SPATA13: variants seen among roughly 807,000 people sequenced by gnomAD.
The protein encoded by SPATA13 is spermatogenesis associated 13, also known as spermatogenesis-associated protein 13.
In SPATA13, 50 loss-of-function variants were observed where a neutral mutation model predicts 104.0. The ratio of observed to expected loss-of-function variants is 0.48; its 90% CI spans 0.38 to 0.61. The LOEUF (loss-of-function observed/expected upper bound fraction) is 0.61. SPATA13 is among the 20% of genes least tolerant of loss of function. The pLI is 0.00. For missense variants in SPATA13, 1,524 were observed against 1,690.6 expected (o/e 0.90, Z 1.73); for synonymous variants, 606 against 667.5 (o/e 0.91, Z 1.42).
rs372134043 is a variant in SPATA13 at position 24,222,944 on chromosome 13, C to T, written c.15C>T (p.Ala5=). 46 of 1,551,116 alleles carry T rather than the reference C, an allele frequency of 3.0e-5. No individual in the cohort carries two copies. In the Middle Eastern group the frequency reaches 6.7e-4, roughly 23 times the overall value. MTQA[A]VRPWAPCLEN... is the part of the protein sequence containing the mutation. ...TGCCCGTGGCCATGACCCAGGCTGC[C>T]GTGCGGCCCTGGGCACCCTGCCTGG... The change falls in exon 2 of 13, where the codon GCC becomes GCT. Residue 5 remains alanine, a synonymous_variant. Transcript: ENST00000382108.
chr13:24,126,538 T>C (rs1426991645), intron 3 of SPATA13, among the ~76,000 whole-genome samples: 1 of 152,046 alleles, frequency 6.6e-6, no homozygotes, highest in Non-Finnish European at 1.5e-5. Flanking sequence ...TATATATTTG[T>C]GTGTGTGTGA....
At chr13:24,125,972 G>C (rs1460396181) in intron 3 of SPATA13, among the ~76,000 whole-genome samples, 1 of 152,218 alleles carries the variant, frequency 6.6e-6, no homozygotes, top group Non-Finnish European at 1.5e-5. Flanking sequence ...GCTGCCTTTG[G>C]CTCTGCTCCT....
At chr13:24,251,593 G>T in intron 3 of SPATA13, 125 bp from the exon 4 acceptor site, 1 of 1,508,928 alleles carries the variant, frequency 6.6e-7, no homozygotes, top group South Asian at 1.3e-5. Flanking sequence ...GCAACTCGTG[G>T]CAGGATTGGA....
intron 3 of SPATA13, among the ~76,000 whole-genome samples, chr13:24,023,504 C>G (rs1328040420): frequency 6.6e-6 from 1 of 152,062 alleles, no homozygotes; most frequent in Admixed American, 6.6e-5. Flanking sequence ...TGTCCTATTC[C>G]CTGGCATTTG....
intron 1 of SPATA13, among the ~76,000 whole-genome samples, chr13:24,173,396 GTGTGT>G (rs1206152033): frequency 3.0e-5 from 4 of 135,014 alleles, no homozygotes; most frequent in Non-Finnish European, 6.8e-5. Context: ...GTGTGTGTGT[GTGTGT>G]GGTAGATTTC....
At chr13:24,243,307 A>C (rs1310552273) in intron 2 of SPATA13, among the ~76,000 whole-genome samples, 1 of 152,152 alleles carries the variant, frequency 6.6e-6, no homozygotes, top group African/African-American at 2.4e-5. Context: ...GCATGTGAAC[A>C]TATGATTCTG....
At chr13:24,187,143 A>G (rs1869201764) in intron 1 of SPATA13, among the ~76,000 whole-genome samples, 1 of 152,204 alleles carries the variant, frequency 6.6e-6, no homozygotes, top group South Asian at 2.1e-4. Flanking sequence ...CACTGCTTGT[A>G]TAATTCTAGG....
chr13:24,223,195 G>A lies in SPATA13; in HGVS notation c.266G>A (p.Arg89Gln), dbSNP rs1220545. 4 of 1,551,522 alleles carry A rather than the reference G, an allele frequency of 2.6e-6. No homozygotes were observed. The highest frequency in any genetic ancestry group is 2.6e-6 in the Non-Finnish European group (3 of 1,147,016). ...SRKRTGAHPE[R>Q]PHSMVLVGNS... ...AAGAGGACGGGTGCCCACCCCGAGC[G>A]GCCCCACTCCATGGTCCTGGTGGGG... The change falls in exon 2 of 13, where the codon CGG (arginine) becomes CAG (glutamine). Residue 89 changes from arginine to glutamine, a missense_variant. Around this residue, in one of 2 missense-constraint regions of SPATA13, gnomAD observed 1,089 missense variants for 1,135.9 expected, o/e 0.96. Transcript: ENST00000382108.
At chr13:24,251,959 C>T (rs1215463424) in intron 4 of SPATA13, 97 bp downstream of exon 4, 3 of 1,460,692 alleles carry the variant, frequency 2.1e-6, no homozygotes, top group Non-Finnish European at 2.8e-6. Context: ...TTCGCGCCTC[C>T]CTTGGGCCAG....
At position 24,302,574 on chromosome 13, in the gene SPATA13, C is replaced by T; in HGVS notation, c.3659-24C>T. On this transcript the variant is annotated intron_variant, in intron 12 of 12. Coordinates refer to ENST00000382108, the MANE Select transcript of SPATA13 (RefSeq NM_001166271.3). Reference sequence around the variant, plus strand: ...AACAAGCGACCCTCAGTCCCTGTTCCATCTCTCTCCCCTCCCGAGTCAGGC... The same window carrying T: ...AACAAGCGACCCTCAGTCCCTGTTCTATCTCTCTCCCCTCCCGAGTCAGGC... The T allele has an allele frequency of 2.6e-6, 4 of 1,547,468 alleles. 1 individual carries two copies. Among genetic ancestry groups the T allele is most frequent in the Non-Finnish European group, 3.5e-6 (4 of 1,143,118 alleles).
chr13:24,240,404 A>G (rs1389762112), intron 2 of SPATA13, among the ~76,000 whole-genome samples: 1 of 151,974 alleles, frequency 6.6e-6, no homozygotes, highest in East Asian at 1.9e-4. Context: ...TTGAACAATT[A>G]TCATGAAGGC....
intron 3 of SPATA13, among the ~76,000 whole-genome samples, chr13:24,082,853 A>C (rs113231727): frequency 0.084 from 11,563 of 137,352 alleles, 798 homozygotes; most frequent in Non-Finnish European, 0.1. Flanking sequence ...AAAAAAAAAA[A>C]ATAAGATCTT....
chr13:24,208,169 G>A (rs1870815702), intron 1 of SPATA13, among the ~76,000 whole-genome samples: 1 of 152,178 alleles, frequency 6.6e-6, no homozygotes, highest in Admixed American at 6.5e-5. Flanking sequence ...TGTCAGGTGA[G>A]GCTCAGAGTT....
chr13:24,299,446 T>A (rs1877024643), intron 11 of SPATA13, among the ~76,000 whole-genome samples: 1 of 152,092 alleles, frequency 6.6e-6, no homozygotes, highest in African/African-American at 2.4e-5. Context: ...GATGCATGTG[T>A]GTGGGTAGAA....
At position 24,088,590 on chromosome 13, in the gene SPATA13, C is replaced by G. The variant is rs1402510808; in HGVS notation, c.-112+70889C>G. Reference sequence around the variant, plus strand: ...GCAACTGCACTCATTTTTAAAATGACATAATAAACACATCTCTTTAACCTC... The same window carrying G: ...GCAACTGCACTCATTTTTAAAATGAGATAATAAACACATCTCTTTAACCTC... On this transcript the variant is annotated intron_variant, in intron 3 of 14. Transcript: ENST00000424834. The surrounding 1 kb of genome is among the most constrained non-coding windows in gnomAD (Gnocchi z 4.3). Among the ~76,000 whole-genome samples, 1 of 152,122 alleles carries G rather than the reference C, an allele frequency of 6.6e-6. No homozygotes were observed. Among genetic ancestry groups the G allele is most frequent in the East Asian group, 1.9e-4 (1 of 5,184 alleles).
At chr13:24,078,977 A>G (rs1021931228) in intron 3 of SPATA13, among the ~76,000 whole-genome samples, 1 of 152,254 alleles carries the variant, frequency 6.6e-6, no homozygotes, top group Non-Finnish European at 1.5e-5. Context: ...CACCCAATAT[A>G]TGAAATTCCA....
chr13:24,134,461 G>A (rs182658437), intron 3 of SPATA13, among the ~76,000 whole-genome samples: 3 of 152,170 alleles, frequency 2.0e-5, no homozygotes, highest in Non-Finnish European at 4.4e-5. Flanking sequence ...CATAGAGGTC[G>A]TATGGATGCC....
chr13:24,165,000 G>A (rs1362432221), intron 1 of SPATA13, among the ~76,000 whole-genome samples: 4 of 152,268 alleles, frequency 2.6e-5, no homozygotes, highest in South Asian at 2.1e-4. Context: ...GGAGAATGGC[G>A]TCTGTGTTTC....
chr13:24,097,148 A>G (rs2137797663), intron 3 of SPATA13, among the ~76,000 whole-genome samples: 1 of 152,274 alleles, frequency 6.6e-6, no homozygotes, highest in Middle Eastern at 3.4e-3. Context: ...GCAGAGAGGG[A>G]GCTGTCAGTG....
Sources: gnomAD v4.1 joint callset for allele counts (sites outside exome capture counted in the v4.1 genomes callset) on GRCh38, gnomAD v4.1.1 for gene constraint, gnomAD v4.1.1 regional missense constraint, Gnocchi (gnomAD v3.1) non-coding constraint, MANE v1.5 for transcripts, NCBI Gene and HGNC (gene_info 2026-07-23, HGNC 2026-07-21) for gene names.